Variants in KIAA1671 observed in about 807,000 individuals in gnomAD.
The protein encoded by KIAA1671 is KIAA1671.
In KIAA1671, 52 loss-of-function variants were observed where a neutral mutation model predicts 131.2. The ratio of observed to expected loss-of-function variants is 0.40; its 90% CI spans 0.32 to 0.50. The LOEUF (loss-of-function observed/expected upper bound fraction) is 0.50, where lower values mean the gene tolerates loss of function less well. KIAA1671 is among the 20% of genes least tolerant of loss of function. The pLI is 0.73. For synonymous variants in KIAA1671, 1,003 were observed against 961.6 expected (o/e 1.04, Z -0.80); for missense variants, 2,360 against 2,364.2 (o/e 1.00, Z 0.04).
At chr22:25,171,353 G>A (rs987789563) in intron 7 of KIAA1671, among the ~76,000 whole-genome samples, 4 of 151,752 alleles carry the variant, frequency 2.6e-5, no homozygotes, top group South Asian at 2.1e-4. Context: ...GCAGTGAGCC[G>A]GGATTGTGCC....
At chr22:25,158,422 C>T (rs978377908) in intron 6 of KIAA1671, among the ~76,000 whole-genome samples, 3 of 152,100 alleles carry the variant, frequency 2.0e-5, no homozygotes, top group Admixed American at 6.5e-5. Context: ...CACAGTCAAA[C>T]GATAATCACA....
At position 24,952,744 on chromosome 22, in the gene KIAA1671, G is replaced by A; in HGVS notation, c.-236G>A. ...TGCCGCGGGCTGCGGGCAGGTGGCG[G>A]CGCGGCGCGGGCTGGCGGTGGCTCC... On this transcript the variant is annotated 5_prime_UTR_variant, in exon 1 of 13. Coordinates refer to ENST00000358431, the MANE Select transcript of KIAA1671 (RefSeq NM_001145206.2). The surrounding 1 kb of genome is among the most constrained non-coding windows in gnomAD (Gnocchi z 4.5). 1.3e-5 allele frequency: 2 copies of A among 154,876 alleles called. No individual in the cohort carries two copies. The highest frequency in any genetic ancestry group is 2.9e-5 in the Non-Finnish European group (2 of 69,858). The allele number at this position is 154,876 out of a possible 1,614,324, so 9.6% of individuals were successfully genotyped here.
chr22:25,191,180 C>T (rs1377700720), intron 12 of KIAA1671, among the ~76,000 whole-genome samples: 2 of 148,184 alleles, frequency 1.3e-5, no homozygotes, highest in African/African-American at 5.0e-5. Context: ...CAGAGTTTCG[C>T]CCTTGTCACC....
intron 1 of KIAA1671, chr22:25,011,579 G>A (rs1925035282): frequency 6.6e-6 from 1 of 151,724 alleles, no homozygotes; most frequent in Non-Finnish European, 1.5e-5. Context: ...GAGCCACTGA[G>A]CCTGGCCTGC....
chr22:25,156,406 C>A (rs1933243957), intron 6 of KIAA1671, among the ~76,000 whole-genome samples: 1 of 151,536 alleles, frequency 6.6e-6, no homozygotes, highest in Admixed American at 6.6e-5. Flanking sequence ...TTTATATTTT[C>A]ATGTGTATAT....
chr22:25,165,551 GA>G (rs1344972902), intron 6 of KIAA1671, among the ~76,000 whole-genome samples: 1 of 152,196 alleles, frequency 6.6e-6, no homozygotes, highest in African/African-American at 2.4e-5. Flanking sequence ...TGGAGCTCTT[GA>G]AATATGGCTA....
chr22:25,001,137 G>A (rs2123861488), intron 1 of KIAA1671, among the ~76,000 whole-genome samples: 1 of 151,844 alleles, frequency 6.6e-6, no homozygotes, highest in South Asian at 2.1e-4. Flanking sequence ...ATTCTGAATA[G>A]AGTGCTTTGT....
intron 9 of KIAA1671, chr22:25,179,292 C>T: frequency 1.3e-6 from 2 of 1,568,520 alleles, no homozygotes; most frequent in Non-Finnish European, 1.7e-6. Context: ...AGGATGGGCG[C>T]CGCCCGTCCC....
chr22:24,976,788 G>A (rs1922938438), intron 1 of KIAA1671, among the ~76,000 whole-genome samples: 1 of 152,064 alleles, frequency 6.6e-6, no homozygotes, highest in Admixed American at 6.5e-5. Flanking sequence ...GAGACGCACT[G>A]CCAGGTTGGG....
intron 6 of KIAA1671, among the ~76,000 whole-genome samples, chr22:25,075,295 G>A (rs577230465): frequency 2.0e-5 from 3 of 152,158 alleles, no homozygotes; most frequent in South Asian, 2.1e-4. Context: ...CCCTCCCCTC[G>A]ACAGCACCAA....
At chr22:25,023,409 T>C (rs1925778828) in intron 1 of KIAA1671, 1 of 152,136 alleles carries the variant, frequency 6.6e-6, no homozygotes, top group Non-Finnish European at 1.5e-5. Context: ...ATAGTGGACA[T>C]GTCCACCCCA....
At chr22:25,068,277 C>T (rs1928599069) in intron 6 of KIAA1671, among the ~76,000 whole-genome samples, 2 of 151,070 alleles carry the variant, frequency 1.3e-5, no homozygotes, top group Admixed American at 6.6e-5. Flanking sequence ...CTGGGGCCAA[C>T]CCCTGACTTG....
chr22:25,058,406 C>T (rs5996823), intron 6 of KIAA1671: 68,928 of 151,982 alleles, frequency 0.45, 16,992 homozygotes, highest in African/African-American at 0.66. Flanking sequence ...TTTAATGTTA[C>T]GTCCCATCCA....
intron 5 of KIAA1671, among the ~76,000 whole-genome samples, chr22:25,043,807 G>A (rs1461673604): frequency 6.6e-6 from 1 of 152,186 alleles, no homozygotes; most frequent in African/African-American, 2.4e-5. Context: ...AATGTTGTGG[G>A]GGACATGTGG....
At chr22:25,035,036 C>CT (rs143999685) in intron 4 of KIAA1671, among the ~76,000 whole-genome samples, 2,143 of 117,512 alleles carry the variant, frequency 0.018, 34 homozygotes, top group African/African-American at 0.036. Flanking sequence ...TGCGCCTGGC[C>CT]TTTTTTTTTT....
At chr22:25,117,993 C>T (rs2145924316) in intron 6 of KIAA1671, among the ~76,000 whole-genome samples, 1 of 151,984 alleles carries the variant, frequency 6.6e-6, no homozygotes, top group Admixed American at 6.6e-5. Context: ...ACAAAATTAG[C>T]CCAGTGTGGT....
chr22:25,072,430 T>C (rs1928877778), intron 6 of KIAA1671, among the ~76,000 whole-genome samples: 1 of 152,206 alleles, frequency 6.6e-6, no homozygotes, highest in African/African-American at 2.4e-5. Context: ...CTGCTTTCTG[T>C]GGGTGACCAG....
chr22:25,049,074 T>C, intron 5 of KIAA1671, 156 bp from the exon 6 acceptor site: 1 of 913,210 alleles, frequency 1.1e-6, no homozygotes, highest in Non-Finnish European at 1.6e-6. Context: ...GCTACCGCCC[T>C]ACATGTTACC....
chr22:25,131,009 A>G (rs1399148378), intron 6 of KIAA1671, among the ~76,000 whole-genome samples: 1 of 152,240 alleles, frequency 6.6e-6, no homozygotes, highest in African/African-American at 2.4e-5. Context: ...TCAAAAATGG[A>G]AAAGAAAGTA....
Sources: allele counts gnomAD v4.1 joint callset (sites outside exome capture counted in the v4.1 genomes callset), GRCh38; gene constraint gnomAD v4.1.1; non-coding constraint Gnocchi (gnomAD v3.1); transcripts MANE v1.5; gene names NCBI Gene and HGNC (gene_info 2026-07-23, HGNC 2026-07-21).